Variants in FBRSL1 observed in about 807,000 individuals in gnomAD.
FBRSL1 encodes the protein fibrosin-1-like protein.
FBRSL1 carries 51 observed loss-of-function variants against 89.6 expected under a neutral mutation model. The observed-to-expected ratio is 0.57, with a 90% confidence interval of 0.45 to 0.72. The LOEUF is 0.72. FBRSL1 is among the 30% of genes least tolerant of loss of function. The probability of loss-of-function intolerance (pLI) is 0.00; values close to 1 mark genes in which losing one functional copy is unlikely to be tolerated. For missense variants in FBRSL1, 1,618 were observed against 1,451.8 expected, an observed-to-expected ratio of 1.11 and a Z score of -1.86; for synonymous variants, 779 against 681.1, an observed-to-expected ratio of 1.14 and a Z score of -2.24.
At chr12:132,507,636 C>T (rs1375614190) in intron 1 of FBRSL1, among the ~76,000 whole-genome samples, 2 of 152,152 alleles carry the variant, frequency 1.3e-5, no homozygotes, top group African/African-American at 2.4e-5. Flanking sequence ...CCCAAATCCA[C>T]AGACCCGTCT....
chr12:132,522,749 A>C (rs1301961234), intron 2 of FBRSL1, among the ~76,000 whole-genome samples: 1 of 152,182 alleles, frequency 6.6e-6, no homozygotes, highest in Non-Finnish European at 1.5e-5. Context: ...GTGGAGCAGC[A>C]GGGTGCCCTG....
At chr12:132,543,635 C>T (rs2037445485) in intron 4 of FBRSL1, among the ~76,000 whole-genome samples, 1 of 137,618 alleles carries the variant, frequency 7.3e-6, no homozygotes, top group Non-Finnish European at 1.6e-5. Flanking sequence ...CCCTACCCAG[C>T]TTGTGGCTCT....
chr12:132,571,001 G>A (rs2039974974), intron 8 of FBRSL1, 67 bp from the exon 9 acceptor site: 3 of 951,490 alleles, frequency 3.2e-6, no homozygotes, highest in East Asian at 2.3e-4. Flanking sequence ...GGACCAGGAT[G>A]CTGGCCTGCG....
At chr12:132,569,817 G>A (rs555628635) in intron 6 of FBRSL1, 109 bp from the exon 7 acceptor site, 48 of 804,686 alleles carry the variant, frequency 6.0e-5, no homozygotes, top group South Asian at 2.2e-4. Context: ...GGGCATAGCC[G>A]GAGCCCAGAC....
At chr12:132,490,976 T>C (rs984536111) in intron 1 of FBRSL1, 115 bp downstream of exon 1, 1 of 840,680 alleles carries the variant, frequency 1.2e-6, no homozygotes, top group Non-Finnish European at 1.5e-6. Flanking sequence ...TGGGCAGCCC[T>C]GAGGGAAGCC....
Position 132,569,949 on chromosome 12 carries a change from G to A in FBRSL1, c.715G>A (p.Ala239Thr). 2 of 1,424,934 alleles carry A rather than the reference G, an allele frequency of 1.4e-6. No homozygotes were observed. Among genetic ancestry groups the A allele is most frequent in the Non-Finnish European group, 1.8e-6 (2 of 1,097,440 alleles). 88.3% of individuals were successfully genotyped at this position (1,424,934 alleles called of 1,614,324 possible). A position where few individuals can be genotyped will look rare whatever the true frequency, so the allele number is the denominator to read the frequency against. Residue 239 changes from alanine (A) to threonine (T), a missense_variant, in exon 7 of 19, where the codon GCC becomes ACC. Transcript: ENST00000680143. ...AGGCCCAGCGCTTGAGAAGTCGGAG[G>A]CCAAGGCCGGGCCGGTGCCCAAGGT... ...DKGPALEKSE[A>T]KAGPVPKVSG... is the part of the protein sequence containing the mutation.
In FBRSL1 at chr12:132,490,380, GCCGGGCCCGGGGCTGAGCCGCC is replaced by G; in HGVS notation, c.-188_-167del. The G allele has an allele frequency of 5.1e-6, 1 of 197,394 alleles. No homozygotes were observed. Among genetic ancestry groups the G allele is most frequent in the South Asian group, 1.9e-4 (1 of 5,210 alleles). 12.2% of individuals were successfully genotyped at this position (197,394 alleles called of 1,614,324 possible). On this transcript the variant is annotated 5_prime_UTR_variant, in exon 1 of 19. The change abolishes the stop of an existing upstream ORF in the 5' untranslated region. Coordinates refer to ENST00000680143, the MANE Select transcript of FBRSL1 (RefSeq NM_001367871.1). ...GCCCGCGCCGGGGGTCCCAGGCCGCGCCGGGCCCGGGGCTGAGCCGCCCCCCGCGCCCGGCATGCCCGGCCCG... is the reference window on the plus strand; with the variant it reads ...GCCCGCGCCGGGGGTCCCAGGCCGCGCCCCGCGCCCGGCATGCCCGGCCCG...
chr12:132,518,557 TCCATCCATCTACCCATCTGG>T (rs2035056353), intron 2 of FBRSL1, among the ~76,000 whole-genome samples: 1 of 143,050 alleles, frequency 7.0e-6, no homozygotes. Flanking sequence ...CACTTGTGCA[TCCATCCATCTACCCATCTGG>T]CCATCCATCC....
At chr12:132,511,342 C>T in intron 2 of FBRSL1, 3 of 985,668 alleles carry the variant, frequency 3.0e-6, no homozygotes, top group Non-Finnish European at 3.6e-6. Flanking sequence ...TGGCTGTTGA[C>T]CTACATGTGG....
chr12:132,519,032 G>A (rs2035114663), intron 2 of FBRSL1, among the ~76,000 whole-genome samples: 1 of 152,256 alleles, frequency 6.6e-6, no homozygotes, highest in Non-Finnish European at 1.5e-5. Context: ...AATAGAAGAA[G>A]GTGGAGCAGC....
intron 5 of FBRSL1, 110 bp from the exon 6 acceptor site, chr12:132,567,371 C>A (rs950710738): frequency 9.4e-7 from 1 of 1,062,960 alleles, no homozygotes; most frequent in Non-Finnish European, 1.4e-6. Context: ...GGGCACATCC[C>A]GCCTGGCCCT....
intron 2 of FBRSL1, among the ~76,000 whole-genome samples, chr12:132,519,500 C>G (rs891433089): frequency 3.3e-5 from 5 of 152,264 alleles, no homozygotes; most frequent in African/African-American, 4.8e-5. Flanking sequence ...AGTCGTTCTC[C>G]TTCCCATAGG....
chr12:132,561,294 G>C (rs1159227288), intron 5 of FBRSL1, among the ~76,000 whole-genome samples: 2 of 152,232 alleles, frequency 1.3e-5, no homozygotes, highest in African/African-American at 4.8e-5. Context: ...CGCGCGGCCC[G>C]TGCGGAAGAC....
At chr12:132,513,053 C>T (rs1235410145) in intron 2 of FBRSL1, among the ~76,000 whole-genome samples, 2 of 152,206 alleles carry the variant, frequency 1.3e-5, no homozygotes, top group African/African-American at 2.4e-5. Context: ...TGCTGCCAGG[C>T]GTCGCCCTGG....
intron 4 of FBRSL1, among the ~76,000 whole-genome samples, chr12:132,528,372 T>C (rs1035569671): frequency 6.6e-6 from 1 of 152,062 alleles, no homozygotes; most frequent in South Asian, 2.1e-4. Flanking sequence ...TGGGGTCCTG[T>C]TGGGGGCCTG....
At chr12:132,571,265 G>A (rs370956654) in intron 9 of FBRSL1, 34 bp downstream of exon 9, 58 of 1,482,790 alleles carry the variant, frequency 3.9e-5, no homozygotes, top group Non-Finnish European at 5.1e-5. Context: ...GGGAGCCCGC[G>A]GCCAACGTGC....
At chr12:132,540,761 G>A (rs2037191282) in intron 4 of FBRSL1, among the ~76,000 whole-genome samples, 1 of 152,032 alleles carries the variant, frequency 6.6e-6, no homozygotes, top group Non-Finnish European at 1.5e-5. Flanking sequence ...ACCCGGGGGG[G>A]CCCCTCCCCG....
chr12:132,520,396 AG>A (rs2035246042), intron 2 of FBRSL1, among the ~76,000 whole-genome samples: 1 of 152,274 alleles, frequency 6.6e-6, no homozygotes, highest in African/African-American at 2.4e-5. Flanking sequence ...GCCCCTGCTC[AG>A]GTTGACCCCG....
intron 5 of FBRSL1, among the ~76,000 whole-genome samples, chr12:132,564,558 C>CGG (rs1566211834): frequency 0.011 from 1,196 of 106,946 alleles, 21 homozygotes; most frequent in African/African-American, 0.056. Context: ...TCCAGTGGTA[C>CGG]GATCTCAGCT....
Sources: allele counts gnomAD v4.1 joint callset (sites outside exome capture counted in the v4.1 genomes callset), GRCh38; gene constraint gnomAD v4.1.1; transcripts MANE v1.5; gene names NCBI Gene and HGNC (gene_info 2026-07-23, HGNC 2026-07-21).